The following NVL variants were observed in gnomAD, a reference collection of about 807,000 sequenced individuals.
NVL encodes the protein nuclear valosin-containing protein-like.
NVL carries 84 observed loss-of-function variants against 110.2 expected under a neutral mutation model. That is an observed-to-expected ratio of 0.76 (90% CI 0.64 to 0.91). NVL has a LOEUF of 0.91. Among genes scored for constraint, NVL ranks in the 40% least tolerant of loss-of-function variants. NVL has a pLI of 0.00. For missense variants in NVL, 882 were observed against 1,035.9 expected, an observed-to-expected ratio of 0.85 and a Z score of 2.04; for synonymous variants, 354 against 361.1, an observed-to-expected ratio of 0.98 and a Z score of 0.22.
intron 19 of NVL, among the ~76,000 whole-genome samples, chr1:224,249,399 G>A (rs1662214383): frequency 6.6e-6 from 1 of 152,136 alleles, no homozygotes. Context: ...GTGCTGGGAT[G>A]ACAGGTGTGA....
chr1:224,235,179 A>G (rs551742990), intron 20 of NVL, among the ~76,000 whole-genome samples: 1 of 151,784 alleles, frequency 6.6e-6, no homozygotes, highest in East Asian at 1.9e-4. Context: ...ATTTATTTTT[A>G]TTTTTTGAGA....
At chr1:224,299,554 GAACT>G (rs1668196769) in intron 10 of NVL, among the ~76,000 whole-genome samples, 1 of 152,130 alleles carries the variant, frequency 6.6e-6, no homozygotes, top group African/African-American at 2.4e-5. Context: ...TTTAAACACA[GAACT>G]AACAACCTAA....
chr1:224,265,739 A>G (rs1217692786), intron 18 of NVL, among the ~76,000 whole-genome samples: 3 of 152,154 alleles, frequency 2.0e-5, no homozygotes, highest in Non-Finnish European at 4.4e-5. Flanking sequence ...TGGTTTCAAG[A>G]GAGTGGGTAA....
intron 6 of NVL, among the ~76,000 whole-genome samples, chr1:224,305,708 A>G (rs1461728110): frequency 5.9e-5 from 9 of 152,108 alleles, no homozygotes; most frequent in Admixed American, 5.9e-4. Flanking sequence ...ATGCCCAGCT[A>G]ATTTTTATAT....
intron 19 of NVL, among the ~76,000 whole-genome samples, chr1:224,246,769 C>G (rs972012366): frequency 6.6e-5 from 10 of 152,198 alleles, no homozygotes; most frequent in Non-Finnish European, 1.3e-4. Flanking sequence ...GGCATGGTGG[C>G]TCACGCCTGT....
At chr1:224,258,292 A>C (rs1236874803) in intron 18 of NVL, among the ~76,000 whole-genome samples, 1 of 152,204 alleles carries the variant, frequency 6.6e-6, no homozygotes, top group Non-Finnish European at 1.5e-5. Flanking sequence ...GATGCTCAAC[A>C]CTATCAGTTA....
intron 17 of NVL, among the ~76,000 whole-genome samples, chr1:224,274,508 G>A (rs1162134116): frequency 2.0e-5 from 3 of 151,450 alleles, no homozygotes; most frequent in Non-Finnish European, 4.4e-5. Context: ...ATGGTGGCGG[G>A]TGCCTGTAAT....
intron 17 of NVL, among the ~76,000 whole-genome samples, chr1:224,274,551 C>T (rs1367228867): frequency 6.6e-6 from 1 of 151,906 alleles, no homozygotes; most frequent in Non-Finnish European, 1.5e-5. Flanking sequence ...GGAGGAGAAT[C>T]GCTTGAACCC....
At position 224,314,933 on chromosome 1, in the gene NVL, C is replaced by A. The variant is rs573784990; in HGVS notation, c.284+2761G>T. On this transcript the variant is annotated intron_variant, in intron 4 of 22. Transcript: ENST00000281701. Reference sequence around the variant, plus strand: ...GGCTGAGGCAGGAGAATGGCTTAAACCCGGGAGGCGGTGGTTGCAGCGAGC... The same window carrying A: ...GGCTGAGGCAGGAGAATGGCTTAAAACCGGGAGGCGGTGGTTGCAGCGAGC... Among the ~76,000 whole-genome samples the A allele has an allele frequency of 3.3e-5, 5 of 152,174 alleles. No individual in the cohort carries two copies. In the East Asian group the frequency reaches 9.6e-4, roughly 29 times the overall value.
Position 224,268,977 on chromosome 1 carries a change from C to A in NVL, c.2083-844G>T, listed in dbSNP as rs539977794. Among the ~76,000 whole-genome samples, 3 of 151,592 alleles carry A rather than the reference C, an allele frequency of 2.0e-5. No individual in the cohort carries two copies. In the South Asian group the frequency reaches 6.3e-4, roughly 32 times the overall value. ...CCCGGCCCTAGACTAAGCTTTTGAA[C>A]CCCAAATTTCCCAGTATATCAGGTA... On this transcript the variant is annotated intron_variant, in intron 17 of 22. Transcript: ENST00000281701.
chr1:224,286,672 C>A (rs1666903278), intron 14 of NVL, among the ~76,000 whole-genome samples: 1 of 152,142 alleles, frequency 6.6e-6, no homozygotes, highest in South Asian at 2.1e-4. Context: ...AATATTTCAA[C>A]AAATATGTTT....
chr1:224,246,184 T>C (rs1397061576), intron 19 of NVL, among the ~76,000 whole-genome samples: 1 of 152,032 alleles, frequency 6.6e-6, no homozygotes, highest in Non-Finnish European at 1.5e-5. Context: ...GAGCACACCA[T>C]CACACCCAGC....
chr1:224,312,067 G>C, intron 4 of NVL: 1 of 455,900 alleles, frequency 2.2e-6, no homozygotes, highest in Non-Finnish European at 3.9e-6. Context: ...ATAAAACGGA[G>C]ATTTAATAAG....
chr1:224,294,699 C>T (rs1667708815), intron 11 of NVL, among the ~76,000 whole-genome samples: 1 of 152,076 alleles, frequency 6.6e-6, no homozygotes, highest in Non-Finnish European at 1.5e-5. Context: ...ATAAACAAAG[C>T]ACCATGGTAA....
At chr1:224,308,650 C>G (rs978012842) in intron 5 of NVL, among the ~76,000 whole-genome samples, 1 of 147,662 alleles carries the variant, frequency 6.8e-6, no homozygotes, top group African/African-American at 2.5e-5. Context: ...GAGATCACAC[C>G]ACTGCACTCC....
intron 2 of NVL, among the ~76,000 whole-genome samples, chr1:224,325,435 A>T (rs191714173): frequency 0.043 from 5,981 of 140,492 alleles, 162 homozygotes; most frequent in East Asian, 0.099. Context: ...AACTGTATTT[A>T]AAAAAAAAAA....
chr1:224,280,339 A>G (rs1261473084), intron 16 of NVL, among the ~76,000 whole-genome samples: 1 of 152,124 alleles, frequency 6.6e-6, no homozygotes, highest in Non-Finnish European at 1.5e-5. Flanking sequence ...GCTCTCTGAT[A>G]TTCTGAAGTT....
At chr1:224,280,183 T>TG (rs1666186277) in intron 16 of NVL, among the ~76,000 whole-genome samples, 1 of 150,696 alleles carries the variant, frequency 6.6e-6, no homozygotes, top group African/African-American at 2.4e-5. Context: ...TTTTTTGTTT[T>TG]TTTTTTTTTT....
chr1:224,254,701 C>T (rs1662976366), intron 18 of NVL, among the ~76,000 whole-genome samples: 1 of 151,814 alleles, frequency 6.6e-6, no homozygotes, highest in African/African-American at 2.4e-5. Flanking sequence ...AGGCGTGAGC[C>T]ACTGTGCCTG....
Sources: allele counts gnomAD v4.1 joint callset (sites outside exome capture counted in the v4.1 genomes callset), GRCh38; gene constraint gnomAD v4.1.1; transcripts MANE v1.5; gene names NCBI Gene and HGNC (gene_info 2026-07-23, HGNC 2026-07-21).